MYRFL: variants seen among roughly 807,000 people sequenced by gnomAD.
MYRFL encodes the protein myelin regulatory factor-like protein.
A neutral mutation model predicts 109.4 loss-of-function variants in MYRFL; 88 were observed. The ratio of observed to expected loss-of-function variants is 0.80; its 90% CI spans 0.68 to 0.96. The LOEUF (loss-of-function observed/expected upper bound fraction) is 0.96, where lower values mean the gene tolerates loss of function less well. MYRFL is among the 40% of genes least tolerant of loss of function. The pLI, the probability that MYRFL is intolerant of heterozygous loss-of-function variation, is 0.00. For missense variants in MYRFL, 957 were observed against 954.9 expected (o/e 1.00, Z -0.03); for synonymous variants, 324 against 320.9 (o/e 1.01, Z -0.10).
At chr12:69,866,306 AG>A (rs1288643297) in intron 2 of MYRFL, among the ~76,000 whole-genome samples, 1 of 152,116 alleles carries the variant, frequency 6.6e-6, no homozygotes, top group Non-Finnish European at 1.5e-5. Context: ...AAAAATGCTC[AG>A]ATGCATGCAG....
In MYRFL at chr12:69,926,689, G is replaced by A. The variant is rs749853290; in HGVS notation, c.1721G>A (p.Arg574Gln). 5 of 1,518,512 alleles carry A rather than the reference G, an allele frequency of 3.3e-6. No homozygotes were observed. The highest frequency in any genetic ancestry group is 4.0e-5 in the Admixed American group (2 of 49,910). 94.1% of individuals were successfully genotyped at this position (1,518,512 alleles called of 1,614,324 possible). A position where few individuals can be genotyped will look rare whatever the true frequency, so the allele number is the denominator to read the frequency against. ...AACAGAAAGCTGGCCCGGCTAAAGC[G>A]GCTCAGTAGTTGGAAGTCATCAGCC... is the stretch of plus-strand genomic sequence containing the variant. ...IWNRKLARLKRLSSWKSSASE... is the reference protein window; with the variant it reads ...IWNRKLARLKQLSSWKSSASE... Residue 574 changes from arginine (R) to glutamine (Q), a missense_variant, in exon 14 of 25, where the codon CGG becomes CAG. By Grantham distance (43) the Arg-to-Gln change is conservative. Transcript: ENST00000552032.
chr12:69,944,843 G>C (rs184626839), intron 19 of MYRFL, among the ~76,000 whole-genome samples: 2 of 152,104 alleles, frequency 1.3e-5, no homozygotes, highest in East Asian at 3.9e-4. Context: ...ACACCTGCAC[G>C]TTCTGCACAT....
intron 1 of MYRFL, among the ~76,000 whole-genome samples, chr12:69,846,964 T>C (rs1883594401): frequency 2.0e-5 from 3 of 152,056 alleles, no homozygotes; most frequent in Admixed American, 6.6e-5. Context: ...ATGAGCATTT[T>C]TTCATGTGTT....
intron 13 of MYRFL, among the ~76,000 whole-genome samples, chr12:69,926,288 A>G (rs954547695): frequency 1.3e-5 from 2 of 152,030 alleles, no homozygotes; most frequent in Non-Finnish European, 2.9e-5. Context: ...AAATCTTTCA[A>G]TTCCAGATTT....
intron 16 of MYRFL, among the ~76,000 whole-genome samples, chr12:69,935,783 C>T (rs564809203): frequency 6.6e-6 from 1 of 152,230 alleles, no homozygotes; most frequent in African/African-American, 2.4e-5. Flanking sequence ...CAGTTGCCTC[C>T]AGCAACTTAC....
chr12:69,854,665 C>T (rs957149588), intron 1 of MYRFL, among the ~76,000 whole-genome samples: 5 of 152,244 alleles, frequency 3.3e-5, no homozygotes, highest in Non-Finnish European at 4.4e-5. Context: ...GGATTACACA[C>T]GTGAGCCACT....
chr12:69,909,921 T>G (rs952948418), intron 11 of MYRFL, 48 bp from the exon 12 acceptor site: 1 of 1,308,986 alleles, frequency 7.6e-7, no homozygotes, highest in Non-Finnish European at 1.0e-6. Context: ...TTAATTTGAA[T>G]AGCAAATATC....
intron 19 of MYRFL, among the ~76,000 whole-genome samples, chr12:69,945,613 A>ATGAC (rs1302111064): frequency 1.3e-5 from 2 of 152,208 alleles, no homozygotes; most frequent in East Asian, 3.9e-4. Context: ...TAAGCAATGC[A>ATGAC]TGACTGTATT....
At chr12:69,833,571 A>C (rs1882762259) in intron 1 of MYRFL, among the ~76,000 whole-genome samples, 1 of 152,196 alleles carries the variant, frequency 6.6e-6, no homozygotes, top group Admixed American at 6.5e-5. Context: ...TTAATTCTTA[A>C]TTTGCACAAC....
Position 69,893,766 on chromosome 12 carries a change from G to C in MYRFL, c.906G>C (p.Val302=). ...TTACTTTTTGTTGTTTCATACAGGTGGAAGCTACCAATCAAATAATTGCTA... is the reference window on the plus strand; with the variant it reads ...TTACTTTTTGTTGTTTCATACAGGTCGAAGCTACCAATCAAATAATTGCTA... ...MFYLKVFGTK[V]EATNQIIAIE... Residue 302 remains valine (V), a splice_region_variant and synonymous_variant, in exon 8 of 25, where the codon GTG becomes GTC. Coordinates refer to ENST00000552032, the MANE Select transcript of MYRFL (RefSeq NM_182530.3). 1 of 1,414,388 alleles carries C rather than the reference G, an allele frequency of 7.1e-7. No individual in the cohort carries two copies. Among genetic ancestry groups the C allele is most frequent in the South Asian group, 1.7e-5 (1 of 60,500 alleles). The allele number at this position is 1,414,388 out of a possible 1,614,324, so 87.6% of individuals were successfully genotyped here.
chr12:69,911,882 G>A (rs184624447), intron 13 of MYRFL, among the ~76,000 whole-genome samples: 2 of 152,320 alleles, frequency 1.3e-5, no homozygotes, highest in African/African-American at 4.8e-5. Context: ...AAGTGCACAT[G>A]CATCACTGGG....
intron 2 of MYRFL, among the ~76,000 whole-genome samples, chr12:69,876,687 A>G (rs1350946495): frequency 2.0e-5 from 3 of 152,152 alleles, no homozygotes; most frequent in Admixed American, 2.0e-4. Flanking sequence ...TTCCTTGGTA[A>G]CTTGAAAATA....
In MYRFL at chr12:69,825,433, G is replaced by A. The variant is rs1882214171; in HGVS notation, c.-85G>A. 2 of 693,890 alleles carry A rather than the reference G, an allele frequency of 2.9e-6. No homozygotes were observed. Among genetic ancestry groups the A allele is most frequent in the South Asian group, 1.5e-5 (1 of 65,818 alleles). 43.0% of individuals were successfully genotyped at this position (693,890 alleles called of 1,614,324 possible). On this transcript the variant is annotated 5_prime_UTR_variant, in exon 1 of 25. The change abolishes the stop of an existing upstream ORF in the 5' untranslated region. Coordinates refer to ENST00000552032, the MANE Select transcript of MYRFL (RefSeq NM_182530.3). ...TGAAGATTTTTCAAGAGCATTCGTA[G>A]GCTTCGAATCAAAAGGACAGTACTT...
chr12:69,926,476 C>G (rs1955086252), intron 13 of MYRFL, 95 bp from the exon 14 acceptor site: 1 of 1,053,780 alleles, frequency 9.5e-7, no homozygotes, highest in Non-Finnish European at 1.2e-6. Context: ...CCATTTTCAA[C>G]AGTATAATCC....
intron 10 of MYRFL, among the ~76,000 whole-genome samples, chr12:69,903,442 G>C (rs1205733380): frequency 6.6e-6 from 1 of 152,090 alleles, no homozygotes; most frequent in Non-Finnish European, 1.5e-5. Context: ...CCTGCTAGCG[G>C]GGAGGCAGAG....
chr12:69,893,989 A>ATT (rs60637559), intron 8 of MYRFL, 149 bp downstream of exon 8: 4,535 of 112,860 alleles, frequency 0.04, 92 homozygotes, highest in Middle Eastern at 0.075. Flanking sequence ...AATAATGTTA[A>ATT]TTTTTTTTTT....
chr12:69,912,713 C>A (rs571771589), intron 13 of MYRFL, among the ~76,000 whole-genome samples: 2 of 152,072 alleles, frequency 1.3e-5, no homozygotes, highest in Non-Finnish European at 2.9e-5. Flanking sequence ...TTGATGAACT[C>A]TTGGGTTGCT....
At chr12:69,881,326 T>A (rs2136333623) in intron 5 of MYRFL, among the ~76,000 whole-genome samples, 1 of 152,268 alleles carries the variant, frequency 6.6e-6, no homozygotes, top group South Asian at 2.1e-4. Context: ...GTGAACAAAT[T>A]CAGCGTACCA....
chr12:69,852,733 C>T (rs929346823), intron 1 of MYRFL, among the ~76,000 whole-genome samples: 5 of 151,636 alleles, frequency 3.3e-5, no homozygotes, highest in African/African-American at 9.7e-5. Flanking sequence ...AGGACCCTGC[C>T]GCCTTCCGCA....
Sources: gnomAD v4.1 joint callset for allele counts (sites outside exome capture counted in the v4.1 genomes callset) on GRCh38, gnomAD v4.1.1 for gene constraint, MANE v1.5 for transcripts, NCBI Gene and HGNC (gene_info 2026-07-23, HGNC 2026-07-21) for gene names.